Variants in LAMA3 observed in about 807,000 individuals in gnomAD.
The protein encoded by LAMA3 is laminin subunit alpha 3.
In LAMA3, 281 loss-of-function variants were observed where a neutral mutation model predicts 402.0. The observed-to-expected ratio is 0.70, with a 90% CI of 0.63 to 0.77. LAMA3 has a LOEUF of 0.77. Ranked by LOEUF, LAMA3 falls within the 30% of genes least tolerant of loss-of-function variation. The pLI is 0.00. For synonymous variants in LAMA3, 1,431 were observed against 1,558.4 expected (o/e 0.92, Z 1.93); for missense variants, 3,840 against 4,215.5 (o/e 0.91, Z 2.47).
intron 70 of LAMA3, 64 bp from the exon 71 acceptor site, chr18:23,949,701 T>G: frequency 6.5e-7 from 1 of 1,549,112 alleles, no homozygotes; most frequent in East Asian, 2.2e-5. Context: ...GCCCTTCGCC[T>G]TGGCTACCCA....
In LAMA3 at chr18:23,920,800, G is replaced by A. The variant is rs557132636; in HGVS notation, c.7924-135G>A. ...CCCATCCCGTGAGGTTGCTGTTGCA[G>A]CACCATTATCCCTTTTCACTGAGGC... On this transcript the variant is annotated intron_variant, in intron 60 of 74. Coordinates refer to ENST00000313654, the MANE Select transcript of LAMA3 (RefSeq NM_198129.4). 1.9e-4 allele frequency: 197 copies of A among 1,017,436 alleles called. 1 individual carries two copies. Among genetic ancestry groups the A allele is most frequent in the Non-Finnish European group, 4.9e-5 (32 of 652,934 alleles). The allele number at this position is 1,017,436 out of a possible 1,614,324, so 63.0% of individuals were successfully genotyped here.
chr18:23,838,106 G>C (rs1312098541), intron 25 of LAMA3, among the ~76,000 whole-genome samples: 1 of 152,060 alleles, frequency 6.6e-6, no homozygotes, highest in East Asian at 1.9e-4. Context: ...CTCTATGAAG[G>C]CAGGGGTGTT....
In LAMA3 at chr18:23,879,518, C is replaced by T. The variant is rs1365347420; in HGVS notation, c.5113-2418C>T. Among the ~76,000 whole-genome samples the T allele has an allele frequency of 6.6e-6, 1 of 152,198 alleles. No individual in the cohort carries two copies. Among genetic ancestry groups the T allele is most frequent in the Non-Finnish European group, 1.5e-5 (1 of 68,032 alleles). ...TCTATTCACAGGACTACATGTACCC[C>T]GAGTCGAGGGACCAACCCTTCTTTA... On this transcript the variant is annotated intron_variant, in intron 39 of 74. Transcript: ENST00000313654. The surrounding 1 kb of genome is among the most constrained non-coding windows in gnomAD (Gnocchi z 4.2).
At chr18:23,704,335 A>T (rs1428177919) in intron 1 of LAMA3, among the ~76,000 whole-genome samples, 1 of 152,194 alleles carries the variant, frequency 6.6e-6, no homozygotes, top group African/African-American at 2.4e-5. Flanking sequence ...GATGTAGCTC[A>T]CAAGAGCAGC....
intron 12 of LAMA3, among the ~76,000 whole-genome samples, chr18:23,785,660 C>G (rs1568182237): frequency 6.6e-6 from 1 of 152,198 alleles, no homozygotes; most frequent in Non-Finnish European, 1.5e-5. Context: ...AGCCATCTCC[C>G]TGTTTGTTTA....
At chr18:23,710,031 A>T in intron 1 of LAMA3, 1 of 767,806 alleles carries the variant, frequency 1.3e-6, no homozygotes, top group East Asian at 2.5e-5. Context: ...TATCTTCTTC[A>T]TGGCGGACTC....
chr18:23,885,898 T>A (rs147881273), intron 41 of LAMA3, among the ~76,000 whole-genome samples: 3 of 152,336 alleles, frequency 2.0e-5, no homozygotes, highest in Non-Finnish European at 4.4e-5. Context: ...TGGCTGTTTG[T>A]TCCTACAAAT....
chr18:23,892,772 A>C lies in LAMA3; in HGVS notation c.5411-1526A>C, dbSNP rs937741384. Among the ~76,000 whole-genome samples, 4 of 151,990 alleles carry C rather than the reference A, an allele frequency of 2.6e-5. No individual in the cohort carries two copies. The East Asian group carries it at 7.8e-4, about 29-fold the overall frequency. On this transcript the variant is annotated intron_variant, in intron 42 of 74. Transcript: ENST00000313654. Reference sequence around the variant, plus strand: ...ACAAAAATTAGCTGGGTGTGGTGGCAGATGCCTGTAATCTCAGCTACTTGG... The same window carrying C: ...ACAAAAATTAGCTGGGTGTGGTGGCCGATGCCTGTAATCTCAGCTACTTGG...
At chr18:23,874,933 G>A (rs1231829473) in intron 38 of LAMA3, among the ~76,000 whole-genome samples, 1 of 152,140 alleles carries the variant, frequency 6.6e-6, no homozygotes, top group Non-Finnish European at 1.5e-5. Flanking sequence ...GCGCAGTCGT[G>A]GCTCACTGCA....
At chr18:23,773,743 T>G (rs1251587901) in intron 9 of LAMA3, among the ~76,000 whole-genome samples, 156 bp downstream of exon 9, 1 of 152,232 alleles carries the variant, frequency 6.6e-6, no homozygotes, top group Admixed American at 6.5e-5. Flanking sequence ...TTACACAGTC[T>G]CTTTGAATTT....
At chr18:23,705,208 A>G (rs2060863888) in intron 1 of LAMA3, among the ~76,000 whole-genome samples, 1 of 152,152 alleles carries the variant, frequency 6.6e-6, no homozygotes, top group African/African-American at 2.4e-5. Flanking sequence ...GCATGGATGG[A>G]TGAATAATTG....
At chr18:23,865,480 A>T (rs901546360) in intron 36 of LAMA3, among the ~76,000 whole-genome samples, 1 of 152,134 alleles carries the variant, frequency 6.6e-6, no homozygotes, top group East Asian at 1.9e-4. Flanking sequence ...ATTTTGTTTC[A>T]TAAATGTCTT....
At chr18:23,863,563 T>A (rs1171246285) in intron 35 of LAMA3, among the ~76,000 whole-genome samples, 1 of 152,196 alleles carries the variant, frequency 6.6e-6, no homozygotes, top group Non-Finnish European at 1.5e-5. Context: ...AAGCAATACT[T>A]AAATCACAAT....
Position 23,915,347 on chromosome 18 carries a change from A to C in LAMA3, c.7703A>C (p.Asn2568Thr). The C allele has an allele frequency of 6.2e-7, 1 of 1,613,398 alleles. No homozygotes were observed. Among genetic ancestry groups the C allele is most frequent in the Non-Finnish European group, 8.5e-7 (1 of 1,179,348 alleles). Residue 2568 changes from asparagine to threonine, a missense_variant, in exon 59 of 75, where the codon AAT becomes ACT. Physicochemically the swap from Asn to Thr is moderately conservative, Grantham distance 65. Around this residue, in one of 3 missense-constraint regions of LAMA3, gnomAD observed 840 missense variants for 981.9 expected, o/e 0.86. Transcript: ENST00000313654. ...YKGCIELDDLNENVLSLYNFK... is the reference protein window; with the variant it reads ...YKGCIELDDLTENVLSLYNFK... ...GGTTGTATTGAATTAGATGACCTCA[A>C]TGAAAATGTTCTGAGCTTGTACAAC...
At chr18:23,868,367 C>T (rs1319165014) in intron 37 of LAMA3, among the ~76,000 whole-genome samples, 3 of 152,302 alleles carry the variant, frequency 2.0e-5, no homozygotes, top group African/African-American at 7.2e-5. Flanking sequence ...CCTTTTTACA[C>T]TTTCTCTCCC....
chr18:23,787,343 A>G (rs1195905867), intron 12 of LAMA3, among the ~76,000 whole-genome samples: 20 of 152,116 alleles, frequency 1.3e-4, no homozygotes, highest in Admixed American at 1.3e-3. Context: ...AGCACAACAT[A>G]TGGGTAATGA....
At chr18:23,722,145 C>T (rs941784048) in intron 2 of LAMA3, among the ~76,000 whole-genome samples, 5 of 152,220 alleles carry the variant, frequency 3.3e-5, no homozygotes, top group African/African-American at 7.2e-5. Context: ...CTGTAATTCC[C>T]TGGATATTCC....
intron 14 of LAMA3, among the ~76,000 whole-genome samples, chr18:23,813,875 T>C (rs1226983315): frequency 2.6e-5 from 4 of 152,168 alleles, no homozygotes; most frequent in Non-Finnish European, 4.4e-5. Flanking sequence ...AATTTAGAAA[T>C]TGTCTGTCTT....
chr18:23,703,354 T>C (rs1339342140), intron 1 of LAMA3, among the ~76,000 whole-genome samples: 4 of 152,088 alleles, frequency 2.6e-5, no homozygotes, highest in East Asian at 1.9e-4. Context: ...AAAGAGAAAA[T>C]GGAGCTCAAG....
Sources: allele counts gnomAD v4.1 joint callset (sites outside exome capture counted in the v4.1 genomes callset), GRCh38; gene constraint gnomAD v4.1.1; regional missense constraint gnomAD v4.1.1; non-coding constraint Gnocchi (gnomAD v3.1); transcripts MANE v1.5; gene names NCBI Gene and HGNC (gene_info 2026-07-23, HGNC 2026-07-21).